COL14A1: variants seen among roughly 807,000 people sequenced by gnomAD.
COL14A1 encodes collagen alpha-1(XIV) chain.
In COL14A1, 136 loss-of-function variants were observed where a neutral mutation model predicts 230.3. The ratio of observed to expected loss-of-function variants is 0.59; its 90% CI spans 0.51 to 0.68. The LOEUF is 0.68. COL14A1 is among the 30% of genes least tolerant of loss of function. The probability of loss-of-function intolerance (pLI) is 0.00; values close to 1 mark genes in which losing one functional copy is unlikely to be tolerated. For missense variants in COL14A1, 1,976 were observed against 2,215.8 expected (o/e 0.89, Z 2.17); for synonymous variants, 792 against 784.1 (o/e 1.01, Z -0.17).
intron 26 of COL14A1, among the ~76,000 whole-genome samples, chr8:120,271,674 A>G (rs1819669943): frequency 6.6e-6 from 1 of 151,598 alleles, no homozygotes; most frequent in Non-Finnish European, 1.5e-5. Context: ...ATGAGTTTTG[A>G]AACTTCATAC....
chr8:120,223,810 A>T (rs943645316), intron 14 of COL14A1, among the ~76,000 whole-genome samples: 1 of 152,102 alleles, frequency 6.6e-6, no homozygotes, highest in Admixed American at 6.6e-5. Context: ...GTATCACCAC[A>T]GTTGGGGCAC....
intron 23 of COL14A1, among the ~76,000 whole-genome samples, chr8:120,262,102 A>G (rs1022506589): frequency 6.6e-6 from 1 of 152,156 alleles, no homozygotes; most frequent in Admixed American, 6.5e-5. Context: ...ATATGAGGCC[A>G]AAAGGAAGTA....
chr8:120,295,518 T>G (rs1416309296), intron 34 of COL14A1, among the ~76,000 whole-genome samples: 1 of 151,868 alleles, frequency 6.6e-6, no homozygotes, highest in Non-Finnish European at 1.5e-5. Context: ...TTGTTGCTAT[T>G]GTTGTTGTTA....
intron 45 of COL14A1, among the ~76,000 whole-genome samples, chr8:120,348,593 G>A (rs917903629): frequency 1.3e-5 from 2 of 152,094 alleles, no homozygotes; most frequent in Non-Finnish European, 2.9e-5. Flanking sequence ...ATACTGCTCA[G>A]GTGATGGGTG....
chr8:120,201,565 C>T (rs1182960890), intron 8 of COL14A1, among the ~76,000 whole-genome samples: 2 of 152,108 alleles, frequency 1.3e-5, no homozygotes. Context: ...GGTAGCTTCA[C>T]TTGTAAAGAT....
chr8:120,273,540 A>G (rs971819530), intron 26 of COL14A1, among the ~76,000 whole-genome samples: 1 of 151,828 alleles, frequency 6.6e-6, no homozygotes, highest in Admixed American at 6.6e-5. Context: ...TTGATAGACC[A>G]TTAGCTGGTT....
chr8:120,186,955 A>G (rs938624562), intron 5 of COL14A1, among the ~76,000 whole-genome samples: 3 of 152,172 alleles, frequency 2.0e-5, no homozygotes, highest in Non-Finnish European at 4.4e-5. Flanking sequence ...CACAAAAAAA[A>G]TGTACAAATC....
intron 26 of COL14A1, 97 bp downstream of exon 26, chr8:120,270,271 G>C (rs1819620946): frequency 8.1e-7 from 1 of 1,230,136 alleles, no homozygotes; most frequent in African/African-American, 1.5e-5. Context: ...GTCAAGAACT[G>C]TAATGATTGG....
Position 120,300,800 on chromosome 8 carries a change from G to T in COL14A1, c.4383G>T (p.Leu1461=). Residue 1461 remains leucine (L), a synonymous_variant, in exon 36 of 48, where the codon CTG becomes CTT. Transcript: ENST00000297848. ...CSCSETNEVA[L]GPAGPPGGPG... ...GTTCTGAAACCAATGAAGTGGCTCT[G>T]GGACCAGCGGGCCCACCAGTAAGTC... The T allele has an allele frequency of 6.2e-7, 1 of 1,613,440 alleles. No individual in the cohort carries two copies. Among genetic ancestry groups the T allele is most frequent in the Non-Finnish European group, 8.5e-7 (1 of 1,179,548 alleles).
intron 26 of COL14A1, among the ~76,000 whole-genome samples, chr8:120,271,009 G>A (rs1268238359): frequency 6.6e-6 from 1 of 151,734 alleles, no homozygotes; most frequent in Admixed American, 6.6e-5. Flanking sequence ...TAAAGAAAAT[G>A]TGGTACATAT....
intron 2 of COL14A1, among the ~76,000 whole-genome samples, chr8:120,157,207 T>C (rs998812841): frequency 1.3e-5 from 2 of 152,230 alleles, no homozygotes; most frequent in African/African-American, 4.8e-5. Context: ...CATGACCATG[T>C]GCTTTGTATC....
chr8:120,332,750 G>T lies in COL14A1; in HGVS notation c.4785+15G>T, dbSNP rs1348639762. 2 of 1,603,752 alleles carry T rather than the reference G, an allele frequency of 1.2e-6. No homozygotes were observed. Among genetic ancestry groups the T allele is most frequent in the South Asian group, 2.2e-5 (2 of 90,224 alleles). The stretch of plus-strand genomic sequence containing the variant: ...TGGGACCACCTGTGAGTATGCAGCG[G>T]TAGCTGCTCAGAATGTAGGCCCAGT... On this transcript the variant is annotated intron_variant, in intron 42 of 47. Transcript: ENST00000297848.
chr8:120,132,746 A>G (rs1814572624), intron 1 of COL14A1, among the ~76,000 whole-genome samples: 1 of 152,108 alleles, frequency 6.6e-6, no homozygotes. Flanking sequence ...TTATTTTTAA[A>G]CAAAGTACAA....
chr8:120,365,192 A>G (rs980433002), intron 45 of COL14A1, among the ~76,000 whole-genome samples: 13 of 152,088 alleles, frequency 8.5e-5, no homozygotes, highest in South Asian at 8.3e-4. Flanking sequence ...TCAGGAAACT[A>G]TTATTAGGGG....
intron 2 of COL14A1, among the ~76,000 whole-genome samples, chr8:120,150,106 AC>A (rs1273461519): frequency 6.6e-6 from 1 of 152,212 alleles, no homozygotes; most frequent in African/African-American, 2.4e-5. Flanking sequence ...CAACCAGGTT[AC>A]TGTGTACTAG....
chr8:120,238,441 G>A (rs1818514095), intron 19 of COL14A1, among the ~76,000 whole-genome samples: 1 of 152,080 alleles, frequency 6.6e-6, no homozygotes, highest in Admixed American at 6.5e-5. Context: ...CCTTACTAAT[G>A]GCGGACACCC....
chr8:120,234,716 A>G lies in COL14A1; in HGVS notation c.2349+3098A>G, dbSNP rs528037496. Among the ~76,000 whole-genome samples the G allele has an allele frequency of 9.2e-5, 14 of 152,308 alleles. No individual in the cohort carries two copies. The South Asian group carries it at 2.9e-3, about 32-fold the overall frequency. Reference sequence around the variant, plus strand: ...AATGTGTTGCTGAATTCGGTTTGCCAGTATTTTATTGAGGATTTTCGCATC... The same window carrying G: ...AATGTGTTGCTGAATTCGGTTTGCCGGTATTTTATTGAGGATTTTCGCATC... On this transcript the variant is annotated intron_variant, in intron 19 of 47. Transcript: ENST00000297848.
chr8:120,208,164 G>C (rs182037057), intron 10 of COL14A1, 68 bp from the exon 11 acceptor site: 1 of 1,457,202 alleles, frequency 6.9e-7, no homozygotes, highest in Non-Finnish European at 9.2e-7. Flanking sequence ...ACGTATTTTC[G>C]CTTTTTGATT....
intron 1 of COL14A1, among the ~76,000 whole-genome samples, chr8:120,126,372 G>C (rs1024262343): frequency 3.3e-5 from 5 of 152,354 alleles, no homozygotes; most frequent in African/African-American, 1.2e-4. Flanking sequence ...CTTACGGAAA[G>C]TTCCGTGTCC....
Sources: gnomAD v4.1 joint callset for allele counts (sites outside exome capture counted in the v4.1 genomes callset) on GRCh38, gnomAD v4.1.1 for gene constraint, MANE v1.5 for transcripts, NCBI Gene and HGNC (gene_info 2026-07-23, HGNC 2026-07-21) for gene names.